GRIN3A: variants seen among roughly 807,000 people sequenced by gnomAD.
The protein encoded by GRIN3A is glutamate ionotropic receptor NMDA type subunit 3A, also known as glutamate receptor ionotropic, NMDA 3A.
Under a neutral mutation model 92.4 loss-of-function variants are expected in GRIN3A, and 47 were observed. That is an observed-to-expected ratio of 0.51 (90% CI 0.40 to 0.65). The LOEUF (loss-of-function observed/expected upper bound fraction) is 0.65. Among genes scored for constraint, GRIN3A ranks in the 30% least tolerant of loss-of-function variants. The pLI is 0.00. For missense variants in GRIN3A, 1,324 were observed against 1,393.1 expected, an observed-to-expected ratio of 0.95 and a Z score of 0.79; for synonymous variants, 527 against 540.6, an observed-to-expected ratio of 0.97 and a Z score of 0.35.
intron 1 of GRIN3A, among the ~76,000 whole-genome samples, chr9:101,736,706 C>T (rs1276271295): frequency 6.6e-6 from 1 of 152,170 alleles, no homozygotes; most frequent in Non-Finnish European, 1.5e-5. Context: ...CCTATGGCTT[C>T]TGTACTAGGT....
At chr9:101,579,476 G>T in intron 6 of GRIN3A, 116 bp from the exon 7 acceptor site, 1 of 985,874 alleles carries the variant, frequency 1.0e-6, no homozygotes, top group East Asian at 2.6e-5. Context: ...AGGACAGCTG[G>T]AGACTATTTC....
chr9:101,728,095 G>A (rs1299233077), intron 1 of GRIN3A, among the ~76,000 whole-genome samples: 1 of 152,090 alleles, frequency 6.6e-6, no homozygotes, highest in Non-Finnish European at 1.5e-5. Context: ...GTTTAAGAAT[G>A]TCTGGTTGGG....
At chr9:101,730,323 A>G (rs1830123285) in intron 1 of GRIN3A, among the ~76,000 whole-genome samples, 1 of 152,176 alleles carries the variant, frequency 6.6e-6, no homozygotes, top group Non-Finnish European at 1.5e-5. Flanking sequence ...CGAATGCATA[A>G]TAAGGTAGAA....
chr9:101,639,253 T>C (rs1016428), intron 3 of GRIN3A, among the ~76,000 whole-genome samples: 83,589 of 151,886 alleles, frequency 0.55, 23,059 homozygotes, highest in African/African-American at 0.6. Context: ...ATCCATTATT[T>C]ACCTTAAGAT....
At chr9:101,712,667 G>T (rs1829893815) in intron 1 of GRIN3A, among the ~76,000 whole-genome samples, 2 of 152,060 alleles carry the variant, frequency 1.3e-5, no homozygotes, top group Admixed American at 1.3e-4. Flanking sequence ...AAATATGAAA[G>T]CTCACCACTC....
At chr9:101,616,484 C>G (rs1223637751) in intron 5 of GRIN3A, among the ~76,000 whole-genome samples, 1 of 151,996 alleles carries the variant, frequency 6.6e-6, no homozygotes, top group Admixed American at 6.6e-5. Flanking sequence ...ATGCTTTTGA[C>G]GTTGTCATCA....
At chr9:101,653,172 G>C (rs1829035716) in intron 3 of GRIN3A, among the ~76,000 whole-genome samples, 1 of 151,870 alleles carries the variant, frequency 6.6e-6, no homozygotes, top group South Asian at 2.1e-4. Flanking sequence ...CTTGTGTCAG[G>C]AATTTCATCT....
chr9:101,717,945 T>C (rs1588296146), intron 1 of GRIN3A, among the ~76,000 whole-genome samples: 1 of 152,228 alleles, frequency 6.6e-6, no homozygotes, highest in Non-Finnish European at 1.5e-5. Context: ...TCCAGCTTTG[T>C]TCTACATCTT....
chr9:101,654,439 A>G (rs1406787310), intron 3 of GRIN3A, among the ~76,000 whole-genome samples: 3 of 151,686 alleles, frequency 2.0e-5, no homozygotes, highest in South Asian at 2.1e-4. Flanking sequence ...CATATCATAT[A>G]TATGTGTAAC....
intron 1 of GRIN3A, among the ~76,000 whole-genome samples, chr9:101,708,287 ATTAT>A (rs1829835661): frequency 6.6e-6 from 1 of 152,194 alleles, no homozygotes; most frequent in Non-Finnish European, 1.5e-5. Flanking sequence ...GGAATTTAAC[ATTAT>A]TTATGCAGAG....
chr9:101,693,341 G>T (rs1039539861), intron 1 of GRIN3A, among the ~76,000 whole-genome samples: 2 of 151,420 alleles, frequency 1.3e-5, no homozygotes, highest in African/African-American at 4.9e-5. Flanking sequence ...AGTTGCTTGA[G>T]TCTGGAGGCA....
chr9:101,702,636 A>G (rs1470160906), intron 1 of GRIN3A, among the ~76,000 whole-genome samples: 4 of 152,186 alleles, frequency 2.6e-5, no homozygotes, highest in Admixed American at 2.0e-4. Flanking sequence ...CTAAATTTAG[A>G]TATCATCTAT....
chr9:101,717,875 A>G (rs1829966424), intron 1 of GRIN3A, among the ~76,000 whole-genome samples: 1 of 152,206 alleles, frequency 6.6e-6, no homozygotes, highest in African/African-American at 2.4e-5. Context: ...AAAGTTTAAT[A>G]GGGTAGTAGA....
At chr9:101,598,359 A>G (rs900000155) in intron 6 of GRIN3A, among the ~76,000 whole-genome samples, 9 of 152,004 alleles carry the variant, frequency 5.9e-5, no homozygotes, top group African/African-American at 2.2e-4. Flanking sequence ...AAGGAAAGAT[A>G]TGGAGGCTAA....
At chr9:101,678,124 G>A (rs1357600564) in intron 2 of GRIN3A, among the ~76,000 whole-genome samples, 1 of 152,112 alleles carries the variant, frequency 6.6e-6, no homozygotes. Flanking sequence ...GCACAACACA[G>A]TGCTTGGCCA....
At chr9:101,724,475 C>A (rs1830059168) in intron 1 of GRIN3A, among the ~76,000 whole-genome samples, 1 of 152,130 alleles carries the variant, frequency 6.6e-6, no homozygotes, top group Non-Finnish European at 1.5e-5. Context: ...GCCCTGGTTC[C>A]CGCTCGCGCC....
chr9:101,642,753 G>T (rs1828882858), intron 3 of GRIN3A, among the ~76,000 whole-genome samples: 1 of 152,094 alleles, frequency 6.6e-6, no homozygotes, highest in South Asian at 2.1e-4. Flanking sequence ...AGCAGCATTA[G>T]ATTCTTAGGA....
chr9:101,717,955 TATAAC>T (rs1019007834), intron 1 of GRIN3A, among the ~76,000 whole-genome samples: 10 of 152,214 alleles, frequency 6.6e-5, no homozygotes, highest in Non-Finnish European at 1.0e-4. Flanking sequence ...TTCTACATCT[TATAAC>T]ATGGTAAATT....
chr9:101,599,400 T>G (rs1400428709), intron 6 of GRIN3A, among the ~76,000 whole-genome samples: 1 of 152,174 alleles, frequency 6.6e-6, no homozygotes, highest in Non-Finnish European at 1.5e-5. Context: ...AATGTGAACT[T>G]GAGTTCCCAT....
Sources: gnomAD v4.1 joint callset for allele counts (sites outside exome capture counted in the v4.1 genomes callset) on GRCh38, gnomAD v4.1.1 for gene constraint, MANE v1.5 for transcripts, NCBI Gene and HGNC (gene_info 2026-07-23, HGNC 2026-07-21) for gene names.